The following ADGRL2 variants were observed in gnomAD, a reference collection of about 807,000 sequenced individuals.
The protein encoded by ADGRL2 is calcium-independent alpha-latrotoxin receptor 2.
A neutral mutation model predicts 157.4 loss-of-function variants in ADGRL2; 44 were observed. The observed-to-expected ratio is 0.28, with a 90% CI of 0.22 to 0.36. The LOEUF (loss-of-function observed/expected upper bound fraction) is 0.36. Among genes scored for constraint, ADGRL2 ranks in the 10% least tolerant of loss-of-function variants. The pLI, the probability that ADGRL2 is intolerant of heterozygous loss-of-function variation, is 1.00. For missense variants in ADGRL2, 1,510 were observed against 1,768.9 expected (o/e 0.85, Z 2.63); for synonymous variants, 585 against 624.7 (o/e 0.94, Z 0.95).
chr1:81,509,054 A>T (rs1360777880), intron 2 of ADGRL2, among the ~76,000 whole-genome samples: 2 of 152,182 alleles, frequency 1.3e-5, no homozygotes, highest in Non-Finnish European at 2.9e-5. Context: ...TATTTTGATT[A>T]AAGTTGCTCT....
chr1:81,940,871 C>T (rs1267337504), intron 4 of ADGRL2, among the ~76,000 whole-genome samples: 1 of 150,918 alleles, frequency 6.6e-6, no homozygotes, highest in Non-Finnish European at 1.5e-5. Flanking sequence ...ATACGGTTTA[C>T]CAACAAGGAT....
At chr1:81,740,002 C>A (rs1243102878) in intron 1 of ADGRL2, among the ~76,000 whole-genome samples, 1 of 152,120 alleles carries the variant, frequency 6.6e-6, no homozygotes, top group Non-Finnish European at 1.5e-5. Context: ...TGGAAACCAC[C>A]ACTGTGGCAA....
intron 1 of ADGRL2, among the ~76,000 whole-genome samples, chr1:81,307,516 C>T (rs12132596): frequency 0.026 from 4,025 of 152,198 alleles, 92 homozygotes; most frequent in Middle Eastern, 0.095. Flanking sequence ...TGCAATATGT[C>T]TTTGAAAGTA....
intron 11 of ADGRL2, 30 bp downstream of exon 11, chr1:81,956,090 T>G: frequency 6.7e-7 from 1 of 1,494,472 alleles, no homozygotes; most frequent in Non-Finnish European, 9.1e-7. Context: ...AGTTTAATTT[T>G]GATTTAGGAT....
intron 3 of ADGRL2, among the ~76,000 whole-genome samples, chr1:81,633,292 T>C (rs2082048752): frequency 6.6e-6 from 1 of 151,966 alleles, no homozygotes; most frequent in Non-Finnish European, 1.5e-5. Flanking sequence ...TCAAACATAA[T>C]GTAGTCAAAA....
intron 1 of ADGRL2, among the ~76,000 whole-genome samples, chr1:81,747,176 CAT>C (rs1237924633): frequency 8.2e-6 from 1 of 122,606 alleles, no homozygotes; most frequent in African/African-American, 3.0e-5. Flanking sequence ...TGTATATATA[CAT>C]ATATGTATGT....
intron 1 of ADGRL2, among the ~76,000 whole-genome samples, chr1:81,313,470 C>T (rs1032022798): frequency 9.2e-5 from 14 of 152,158 alleles, no homozygotes; most frequent in South Asian, 2.1e-4. Flanking sequence ...TTAATTTCTA[C>T]GGCTCTTAAA....
intron 3 of ADGRL2, among the ~76,000 whole-genome samples, chr1:81,640,069 T>C (rs944840372): frequency 6.6e-6 from 1 of 152,212 alleles, no homozygotes; most frequent in Admixed American, 6.5e-5. Context: ...ATTATCCTCC[T>C]GATAATCATA....
At position 81,502,482 on chromosome 1, in the gene ADGRL2, C is replaced by T. The variant is rs543602502; in HGVS notation, c.-248+57393C>T. The T allele has an allele frequency of 7.4e-6, 12 of 1,613,914 alleles. No homozygotes were observed. In the South Asian group the frequency reaches 1.3e-4, roughly 18 times the overall value. On this transcript the variant is annotated intron_variant, in intron 2 of 24. Transcript: ENST00000370721. ...TTCGTCTTTATGCAGAAGAGGCGGA[C>T]CCCCATCAACCGAATCCCCATCATG...
Position 81,894,272 on chromosome 1 carries a change from A to T in ADGRL2, c.74-12745A>T, listed in dbSNP as rs1213932671. On this transcript the variant is annotated intron_variant, in intron 2 of 23. Transcript: ENST00000686636. ...TTTTCTGTTTGGTGGTGTTTTTTTTAAATTATTTTCAGTTTGCATCTATTG... is the reference window on the plus strand; with the variant it reads ...TTTTCTGTTTGGTGGTGTTTTTTTTTAATTATTTTCAGTTTGCATCTATTG... Among the ~76,000 whole-genome samples, 5 of 152,144 alleles carry T rather than the reference A, an allele frequency of 3.3e-5. No individual in the cohort carries two copies. The South Asian group carries it at 8.3e-4, about 25-fold the overall frequency.
intron 1 of ADGRL2, among the ~76,000 whole-genome samples, chr1:81,352,827 T>C (rs1302019156): frequency 6.6e-6 from 1 of 152,026 alleles, no homozygotes; most frequent in African/African-American, 2.4e-5. Flanking sequence ...GAAAAGAGTG[T>C]TTAAGTTTGA....
intron 3 of ADGRL2, among the ~76,000 whole-genome samples, chr1:81,644,667 T>C (rs2082280194): frequency 6.6e-6 from 1 of 152,134 alleles, no homozygotes; most frequent in African/African-American, 2.4e-5. Context: ...CCATAGAAGG[T>C]ACAAAATCAA....
At chr1:81,353,630 G>A (rs1570701723) in intron 1 of ADGRL2, among the ~76,000 whole-genome samples, 1 of 152,176 alleles carries the variant, frequency 6.6e-6, no homozygotes, top group Non-Finnish European at 1.5e-5. Context: ...ATGTAGAAAG[G>A]TGAAGAAGAG....
At chr1:81,481,582 A>T (rs1414157381) in intron 2 of ADGRL2, among the ~76,000 whole-genome samples, 1 of 152,098 alleles carries the variant, frequency 6.6e-6, no homozygotes, top group Non-Finnish European at 1.5e-5. Context: ...GTGTTTCGTT[A>T]ATCTGGGTAA....
chr1:81,417,580 G>C lies in ADGRL2; in HGVS notation c.-301-27456G>C, dbSNP rs573911416. On this transcript the variant is annotated intron_variant, in intron 1 of 24. Transcript: ENST00000370721. The stretch of plus-strand genomic sequence containing the variant: ...TCAGCAATATGGCACCATGTCATAG[G>C]TGGTGAACACAGTGACATTATTTAA... Among the ~76,000 whole-genome samples, 23 of 152,178 alleles carry C rather than the reference G, an allele frequency of 1.5e-4. No homozygotes were observed. In the South Asian group the frequency reaches 4.6e-3, roughly 30 times the overall value.
chr1:81,902,947 G>A (rs1424184581), intron 2 of ADGRL2, among the ~76,000 whole-genome samples: 1 of 152,084 alleles, frequency 6.6e-6, no homozygotes. Flanking sequence ...TAACAATGTT[G>A]TTATATTTAT....
intron 3 of ADGRL2, among the ~76,000 whole-genome samples, chr1:81,606,644 T>C (rs575630800): frequency 6.6e-6 from 1 of 152,296 alleles, no homozygotes; most frequent in African/African-American, 2.4e-5. Context: ...CCTGTGTCTT[T>C]ATTTTTCTTT....
In ADGRL2 at chr1:81,984,651, C is replaced by T; in HGVS notation, c.3351C>T (p.Pro1117=). The T allele has an allele frequency of 6.2e-7, 1 of 1,612,788 alleles. No homozygotes were observed. Among genetic ancestry groups the T allele is most frequent in the Non-Finnish European group, 8.5e-7 (1 of 1,179,120 alleles). ...YCCGGLPTES[P]HSSVKASTTR... ...GTGGAGGCCTCCCAACTGAGAGTCC[C>T]CACAGTTCAGTGAAGGCATCAACCA... Residue 1117 remains proline, a synonymous_variant, in exon 20 of 24, where the codon CCC becomes CCT. Coordinates refer to ENST00000686636, the MANE Select transcript of ADGRL2 (RefSeq NM_001366006.2).
chr1:81,442,132 T>G (rs892590138), intron 1 of ADGRL2, among the ~76,000 whole-genome samples: 8 of 152,214 alleles, frequency 5.3e-5, no homozygotes, highest in Admixed American at 3.3e-4. Flanking sequence ...TCATTGAAAC[T>G]TACATTATGT....
Sources: allele counts gnomAD v4.1 joint callset (sites outside exome capture counted in the v4.1 genomes callset), GRCh38; gene constraint gnomAD v4.1.1; transcripts MANE v1.5; gene names NCBI Gene and HGNC (gene_info 2026-07-23, HGNC 2026-07-21).